Variants in CDK5RAP2 observed in about 807,000 individuals in gnomAD.
CDK5RAP2 encodes CDK5 regulatory subunit-associated protein 2.
In CDK5RAP2, 147 loss-of-function variants were observed where a neutral mutation model predicts 232.9. That is an observed-to-expected ratio of 0.63 (90% CI 0.55 to 0.72). CDK5RAP2 has a LOEUF of 0.72. Among genes scored for constraint, CDK5RAP2 ranks in the 30% least tolerant of loss-of-function variants. The probability of loss-of-function intolerance (pLI) is 0.00; values close to 1 mark genes in which losing one functional copy is unlikely to be tolerated. For synonymous variants in CDK5RAP2, 833 were observed against 833.7 expected, an observed-to-expected ratio of 1.00 and a Z score of 0.01; for missense variants, 2,195 against 2,231.5, an observed-to-expected ratio of 0.98 and a Z score of 0.33.
intron 12 of CDK5RAP2, among the ~76,000 whole-genome samples, chr9:120,511,912 A>T (rs2040109155): frequency 6.6e-6 from 1 of 151,654 alleles, no homozygotes. Flanking sequence ...TAATTTTTGT[A>T]TTTTTAGTCG....
rs764364570 is a variant in CDK5RAP2, at chr9:120,491,354, T to C, written c.1435A>G (p.Ile479Val). Residue 479 changes from isoleucine to valine, a missense_variant, in exon 13 of 38, where the codon ATC becomes GTC. Physicochemically the swap from Ile to Val is conservative, Grantham distance 29. Transcript: ENST00000349780. ...NKKLHNQEQV[I>V]KHLTESTNQK... ...TTGGTACTTTCTGTTAGATGTTTGA[T>C]CACTTGCTCTTGATTGTGCAATTTT... 6.2e-6 allele frequency: 10 copies of C among 1,613,698 alleles called. No homozygotes were observed. The South Asian group carries it at 9.9e-5, about 16-fold the overall frequency.
At chr9:120,459,634 A>G (rs568334446) in intron 19 of CDK5RAP2, among the ~76,000 whole-genome samples, 48 of 152,370 alleles carry the variant, frequency 3.2e-4, no homozygotes, top group Middle Eastern at 3.4e-3. Flanking sequence ...TTTAAATATC[A>G]TAATCCTAAA....
chr9:120,528,017 T>C (rs2040983327), intron 9 of CDK5RAP2, 92 bp from the exon 10 acceptor site: 1 of 1,456,238 alleles, frequency 6.9e-7, no homozygotes, highest in East Asian at 2.3e-5. Context: ...CAAATGCAGT[T>C]ATTCTATCTT....
At chr9:120,567,810 C>T (rs1014328070) in intron 3 of CDK5RAP2, among the ~76,000 whole-genome samples, 2 of 152,194 alleles carry the variant, frequency 1.3e-5, no homozygotes, top group African/African-American at 4.8e-5. Context: ...TAATAAAAAC[C>T]TGGATTCAAA....
In CDK5RAP2 at chr9:120,403,223, C is replaced by A; in HGVS notation, c.5042-152G>T. On this transcript the variant is annotated intron_variant, in intron 33 of 37. Transcript: ENST00000349780. This position sits in a 1 kb window ranked among gnomAD's most constrained non-coding sequence, Gnocchi z 4.2. ...GCCCAGAGGGGAAAAGAGGCACGCT[C>A]CTGGACCTCTGTATATTACCCCACA... The A allele has an allele frequency of 4.3e-6, 3 of 699,088 alleles. No homozygotes were observed. The highest frequency in any genetic ancestry group is 7.3e-6 in the Non-Finnish European group (3 of 408,512). 43.3% of individuals were successfully genotyped at this position (699,088 alleles called of 1,614,324 possible). A position where few individuals can be genotyped will look rare whatever the true frequency, so the allele number is the denominator to read the frequency against.
chr9:120,544,489 G>C (rs1312503640), intron 5 of CDK5RAP2, among the ~76,000 whole-genome samples: 1 of 152,232 alleles, frequency 6.6e-6, no homozygotes, highest in Non-Finnish European at 1.5e-5. Flanking sequence ...GAAGAAGCCT[G>C]GGCCTGGCAT....
In CDK5RAP2 at chr9:120,536,399, A is replaced by G. The variant is rs2041386305; in HGVS notation, c.635T>C (p.Met212Thr). The G allele has an allele frequency of 6.2e-7, 1 of 1,614,076 alleles. No individual in the cohort carries two copies. The highest frequency in any genetic ancestry group is 1.3e-5 in the African/African-American group (1 of 74,934). ...GTCTTTCTCATCCAGGACCAGAGCC[A>G]TCGCCAAGTCCCCCTCGTGCATCTT... ...MKKMHEGDLA[M>T]ALVLDEKDRL... Residue 212 changes from methionine to threonine, a missense_variant, in exon 7 of 38, where the codon ATG becomes ACG. Physicochemically the swap from Met to Thr is moderately conservative, Grantham distance 81. Transcript: ENST00000349780.
chr9:120,548,688 T>G (rs1168991229), intron 4 of CDK5RAP2, among the ~76,000 whole-genome samples: 2 of 152,096 alleles, frequency 1.3e-5, no homozygotes, highest in East Asian at 3.9e-4. Flanking sequence ...GGTGCATGCC[T>G]GTAGTCCCAA....
At chr9:120,454,664 T>C (rs1325127946) in intron 20 of CDK5RAP2, among the ~76,000 whole-genome samples, 1 of 152,200 alleles carries the variant, frequency 6.6e-6, no homozygotes, top group Non-Finnish European at 1.5e-5. Flanking sequence ...TGGGGCTTTT[T>C]CCAAAGCTCT....
At position 120,439,773 on chromosome 9, in the gene CDK5RAP2, G is replaced by T; in HGVS notation, c.3348C>A (p.Ile1116=). ...CTTCCAGCTCAGTTTCCAAGTCATG[G>T]ATTTTCTGTTTTAAGTATTCTGTCT... ...SNETEYLKQK[I]HDLETELEGY... is the part of the protein sequence containing the mutation. Residue 1116 remains isoleucine, a synonymous_variant, in exon 24 of 38, where the codon ATC becomes ATA. Coordinates refer to ENST00000349780, the MANE Select transcript of CDK5RAP2 (RefSeq NM_018249.6). 6.2e-7 allele frequency: 1 copy of T among 1,614,178 alleles called. No homozygotes were observed. Among genetic ancestry groups the T allele is most frequent in the Non-Finnish European group, 8.5e-7 (1 of 1,180,012 alleles).
intron 11 of CDK5RAP2, among the ~76,000 whole-genome samples, chr9:120,520,329 T>C (rs1038364027): frequency 1.3e-5 from 2 of 152,188 alleles, no homozygotes; most frequent in South Asian, 2.1e-4. Flanking sequence ...TATTTTCATA[T>C]GGTCATTGTG....
chr9:120,471,775 GCTC>G lies in CDK5RAP2; in HGVS notation c.1828_1830del (p.Glu610del). 1 of 1,614,082 alleles carries G rather than the reference GCTC, an allele frequency of 6.2e-7. No individual in the cohort carries two copies. Among genetic ancestry groups the G allele is most frequent in the Non-Finnish European group, 8.5e-7 (1 of 1,179,950 alleles). ...TCCCGCCTCCGAATTTCGCTGATCT[GCTC>G]CTCCAAGGTCTTCCGCAAATTCTGA... On this transcript the variant is annotated inframe_deletion, in exon 16 of 38. Coordinates refer to ENST00000349780, the MANE Select transcript of CDK5RAP2 (RefSeq NM_018249.6).
intron 12 of CDK5RAP2, among the ~76,000 whole-genome samples, chr9:120,514,186 G>A (rs1299322083): frequency 6.6e-6 from 1 of 152,216 alleles, no homozygotes; most frequent in African/African-American, 2.4e-5. Flanking sequence ...GATGTGTAAA[G>A]GTAGTCACGA....
At chr9:120,457,377 A>C (rs564956148) in intron 20 of CDK5RAP2, among the ~76,000 whole-genome samples, 2 of 152,226 alleles carry the variant, frequency 1.3e-5, no homozygotes, top group South Asian at 4.1e-4. Context: ...CTCAGACAAA[A>C]AGTGTCTTTT....
chr9:120,534,641 G>C (rs116535507), intron 7 of CDK5RAP2, among the ~76,000 whole-genome samples: 1 of 152,322 alleles, frequency 6.6e-6, no homozygotes, highest in African/African-American at 2.4e-5. Context: ...TGACTGCTCA[G>C]CATCTGTCAG....
intron 25 of CDK5RAP2, among the ~76,000 whole-genome samples, chr9:120,436,848 GATATACTTTTTAACTGATAAAA>G (rs2035610950): frequency 6.6e-6 from 1 of 151,962 alleles, no homozygotes; most frequent in Non-Finnish European, 1.5e-5. Context: ...TTAACTCTTC[GATATACTTTTTAACTGATAAAA>G]ATTTTGCTTG....
chr9:120,524,954 G>C, intron 11 of CDK5RAP2, 32 bp downstream of exon 11: 1 of 1,513,726 alleles, frequency 6.6e-7, no homozygotes, highest in South Asian at 1.1e-5. Context: ...CAGGATCAAA[G>C]AGACAGCCAC....
chr9:120,563,357 G>A (rs147144182), intron 3 of CDK5RAP2, among the ~76,000 whole-genome samples: 81 of 152,260 alleles, frequency 5.3e-4, no homozygotes, highest in African/African-American at 1.6e-3. Flanking sequence ...CACACAGGAC[G>A]GGTTCTCATG....
chr9:120,474,636 C>T (rs772392039), intron 15 of CDK5RAP2, among the ~76,000 whole-genome samples: 1 of 152,176 alleles, frequency 6.6e-6, no homozygotes, highest in Non-Finnish European at 1.5e-5. Flanking sequence ...TCCTTCACTG[C>T]GGAACACCGG....
Sources: gnomAD v4.1 joint callset for allele counts (sites outside exome capture counted in the v4.1 genomes callset) on GRCh38, gnomAD v4.1.1 for gene constraint, Gnocchi (gnomAD v3.1) non-coding constraint, MANE v1.5 for transcripts, NCBI Gene and HGNC (gene_info 2026-07-23, HGNC 2026-07-21) for gene names.